SFI1: variants seen among roughly 807,000 people sequenced by gnomAD.
The protein encoded by SFI1 is SFI1 centrin binding protein, also known as protein SFI1 homolog.
Under a neutral mutation model 207.5 loss-of-function variants are expected in SFI1, and 195 were observed. The observed-to-expected ratio is 0.94, with a 90% confidence interval of 0.84 to 1.06. The LOEUF (loss-of-function observed/expected upper bound fraction) is 1.06, where lower values mean the gene tolerates loss of function less well. Ranked by LOEUF, SFI1 falls within the 50% of genes least tolerant of loss-of-function variation. SFI1 has a pLI of 0.00. For synonymous variants in SFI1, 630 were observed against 598.9 expected (o/e 1.05, Z -0.76); for missense variants, 1,634 against 1,588.0 (o/e 1.03, Z -0.49).
intron 21 of SFI1, among the ~76,000 whole-genome samples, chr22:31,607,431 C>T (rs1053878541): frequency 5.9e-5 from 9 of 151,752 alleles, no homozygotes; most frequent in Admixed American, 1.3e-4. Flanking sequence ...GGTGAAACTC[C>T]GTCTCTACTA....
intron 14 of SFI1, among the ~76,000 whole-genome samples, chr22:31,586,232 C>T (rs1033539505): frequency 6.6e-6 from 1 of 152,086 alleles, no homozygotes; most frequent in Non-Finnish European, 1.5e-5. Context: ...TCAGATGTCA[C>T]CTCCTCCCCC....
At chr22:31,590,956 T>TTTATTTAC in intron 15 of SFI1, among the ~76,000 whole-genome samples, 1 of 13,222 alleles carries the variant, frequency 7.6e-5, no homozygotes, top group African/African-American at 1.8e-4. Context: ...TTTCTTTTTA[T>TTTATTTAC]TTATTTATTT....
intron 29 of SFI1, 68 bp downstream of exon 29, chr22:31,615,347 A>C: frequency 1.2e-4 from 165 of 1,330,528 alleles, no homozygotes; most frequent in Non-Finnish European, 1.5e-4. Context: ...GTGCTTTCTC[A>C]TGCCACAGCT....
At chr22:31,598,715 C>CTTTTTTTTT (rs1215038400) in intron 15 of SFI1, among the ~76,000 whole-genome samples, 1 of 2,100 alleles carries the variant, frequency 4.8e-4, no homozygotes, top group Non-Finnish European at 2.0e-3. Context: ...CTGCGCCTGG[C>CTTTTTTTTT]CTTTTTTTTT....
At chr22:31,602,442 C>T (rs911784332) in intron 16 of SFI1, 149 bp downstream of exon 16, 66 of 1,138,424 alleles carry the variant, frequency 5.8e-5, no homozygotes, top group Non-Finnish European at 7.2e-5. Context: ...TCTGGGGCAT[C>T]TGTCCTTTCT....
chr22:31,504,919 A>G (rs1360385904), intron 1 of SFI1, among the ~76,000 whole-genome samples: 2 of 152,164 alleles, frequency 1.3e-5, no homozygotes, highest in Non-Finnish European at 2.9e-5. Context: ...CTTAACTTAC[A>G]TCTTAATTAC....
chr22:31,573,063 G>C lies in SFI1; in HGVS notation c.771G>C (p.Trp257Cys). Reference sequence around the variant, plus strand: ...GCCTCTTCTCTGGTTTTCAGGCTTGGTCACAGTGGCGGGAACAGCTCCTGT... The same window carrying C: ...GCCTCTTCTCTGGTTTTCAGGCTTGCTCACAGTGGCGGGAACAGCTCCTGT... The part of the protein sequence containing the change: ...HRALSLQVQA[W>C]SQWREQLLYV... The change falls in exon 9 of 33, where the codon TGG becomes TGC. Residue 257 changes from tryptophan to cysteine, a missense_variant. Physicochemically the swap from Trp to Cys is radical, Grantham distance 215. Transcript: ENST00000400288. The C allele has an allele frequency of 6.2e-7, 1 of 1,612,812 alleles. No homozygotes were observed.
intron 19 of SFI1, 36 bp downstream of exon 19, chr22:31,604,440 G>C (rs766261009): frequency 6.9e-7 from 1 of 1,454,216 alleles, no homozygotes; most frequent in South Asian, 1.3e-5. Flanking sequence ...TCTTGCTGTG[G>C]GGACAGGGGA....
chr22:31,600,772 A>C (rs1420927367), intron 15 of SFI1, among the ~76,000 whole-genome samples: 1 of 152,180 alleles, frequency 6.6e-6, no homozygotes, highest in East Asian at 1.9e-4. Context: ...CCCGTGTCCT[A>C]TCTTTTCAGC....
chr22:31,618,210 A>G lies in SFI1; in HGVS notation c.3608A>G (p.Gln1203Arg), dbSNP rs778518821. 14 of 1,596,694 alleles carry G rather than the reference A, an allele frequency of 8.8e-6. No homozygotes were observed. Among genetic ancestry groups the G allele is most frequent in the African/African-American group, 4.0e-5 (3 of 74,846 alleles). Residue 1203 changes from glutamine (Q) to arginine (R), a missense_variant, in exon 32 of 33, where the codon CAG becomes CGG. By Grantham distance (43) the Gln-to-Arg change is conservative. Transcript: ENST00000400288. The stretch of plus-strand genomic sequence containing the variant: ...GACCAGGAAGTAGAGCAGCAGGTGC[A>G]GAAAGAGCTGGAACAGGTGAGGCCC... Reference protein sequence around the residue: ...PEDQEVEQQVQKELEQVEMQI... With the variant: ...PEDQEVEQQVRKELEQVEMQI...
chr22:31,551,068 A>C (rs1371590451), intron 6 of SFI1, among the ~76,000 whole-genome samples: 1 of 152,150 alleles, frequency 6.6e-6, no homozygotes, highest in African/African-American at 2.4e-5. Context: ...CATCACTTGC[A>C]ATCATCGTTG....
chr22:31,508,408 C>A, intron 2 of SFI1, 32 bp downstream of exon 2: 2 of 1,413,482 alleles, frequency 1.4e-6, no homozygotes, highest in Non-Finnish European at 1.0e-6. Context: ...AAAAATATAA[C>A]TGGAATGATG....
chr22:31,607,861 C>T, intron 21 of SFI1, 76 bp from the exon 22 acceptor site: 1 of 1,348,696 alleles, frequency 7.4e-7, no homozygotes, highest in South Asian at 1.2e-5. Context: ...CTCCAGGAGC[C>T]ACCGTCACAG....
intron 4 of SFI1, among the ~76,000 whole-genome samples, chr22:31,541,914 A>AGTAG (rs1159958072): frequency 6.6e-6 from 1 of 151,674 alleles, no homozygotes; most frequent in African/African-American, 2.4e-5. Context: ...CATCCTGGCT[A>AGTAG]ACATGGTGAA....
rs774864472 is a variant in SFI1, at chr22:31,589,453, C to T, written c.1420C>T (p.Gln474Ter). 3 of 1,602,470 alleles carry T rather than the reference C, an allele frequency of 1.9e-6. No individual in the cohort carries two copies. The highest frequency in any genetic ancestry group is 1.1e-5 in the South Asian group (1 of 88,804). ...TQKRRYKQLL[Q>*]ARADGHFQQR... ...ATTCATTCTTTTACTTTAGCTGCTA[C>T]AGGCCAGAGCGGATGGTCATTTCCA... The change falls in exon 15 of 33, where the codon CAG (glutamine) becomes TAG (stop). Residue 474 changes from glutamine to a stop codon, truncating the protein, a stop_gained. Coordinates refer to ENST00000400288, the MANE Select transcript of SFI1 (RefSeq NM_001007467.3). LOFTEE classifies it high-confidence loss of function.
intron 7 of SFI1, chr22:31,559,441 G>A (rs2061464323): frequency 2.5e-6 from 1 of 393,980 alleles, no homozygotes; most frequent in African/African-American, 2.1e-5. Flanking sequence ...AAAAAAAATG[G>A]CTTCCGCGGG....
intron 2 of SFI1, among the ~76,000 whole-genome samples, chr22:31,518,852 A>G (rs1296568156): frequency 6.6e-6 from 1 of 152,190 alleles, no homozygotes; most frequent in Non-Finnish European, 1.5e-5. Context: ...AGCCCTCAGT[A>G]AAAACTTGGG....
At chr22:31,515,430 C>T (rs1331211283) in intron 2 of SFI1, among the ~76,000 whole-genome samples, 1 of 151,214 alleles carries the variant, frequency 6.6e-6, no homozygotes, top group South Asian at 2.1e-4. Context: ...CTCACTGCAG[C>T]GTCGACCTGC....
chr22:31,559,840 T>C (rs1027673667), intron 7 of SFI1: 4 of 689,124 alleles, frequency 5.8e-6, no homozygotes, highest in African/African-American at 3.5e-5. Flanking sequence ...TTCAGGCCCA[T>C]AGAGGACCGC....
Sources: gnomAD v4.1 joint callset for allele counts (sites outside exome capture counted in the v4.1 genomes callset) on GRCh38, gnomAD v4.1.1 for gene constraint, MANE v1.5 for transcripts, NCBI Gene and HGNC (gene_info 2026-07-23, HGNC 2026-07-21) for gene names.